PLCB1: variants seen among roughly 807,000 people sequenced by gnomAD.
The protein encoded by PLCB1 is phospholipase C beta 1.
Under a neutral mutation model 161.8 loss-of-function variants are expected in PLCB1, and 46 were observed. That is an observed-to-expected ratio of 0.28 (90% CI 0.22 to 0.36). The LOEUF is 0.36. Ranked by LOEUF, PLCB1 falls within the 10% of genes least tolerant of loss-of-function variation. The pLI is 1.00. For missense variants in PLCB1, 1,016 were observed against 1,472.5 expected (o/e 0.69, Z 5.07); for synonymous variants, 517 against 503.7 (o/e 1.03, Z -0.35).
chr20:8,223,337 T>C (rs138245384), intron 2 of PLCB1, among the ~76,000 whole-genome samples: 85 of 152,278 alleles, frequency 5.6e-4, no homozygotes, highest in African/African-American at 1.9e-3. Flanking sequence ...TGAAGACTCA[T>C]TTTTACCATC....
At chr20:8,719,088 T>C (rs1979487786) in intron 14 of PLCB1, among the ~76,000 whole-genome samples, 1 of 152,216 alleles carries the variant, frequency 6.6e-6, no homozygotes, top group East Asian at 1.9e-4. Flanking sequence ...TTTAGTCTGA[T>C]TTATCTTCCA....
chr20:8,397,453 G>T (rs1848548), intron 3 of PLCB1, among the ~76,000 whole-genome samples: 16 of 151,906 alleles, frequency 1.1e-4, no homozygotes, highest in Admixed American at 5.9e-4. Flanking sequence ...CTTTGCCTCA[G>T]CATTCAAAAT....
intron 14 of PLCB1, among the ~76,000 whole-genome samples, chr20:8,719,755 C>A (rs1431676448): frequency 6.6e-6 from 1 of 152,066 alleles, no homozygotes; most frequent in East Asian, 1.9e-4. Flanking sequence ...GGTGAAAATT[C>A]TTTGCACTGT....
chr20:8,353,440 C>T (rs1420116449), intron 2 of PLCB1, among the ~76,000 whole-genome samples: 1 of 151,964 alleles, frequency 6.6e-6, no homozygotes, highest in Non-Finnish European at 1.5e-5. Context: ...ATAGCAACTT[C>T]CTGCAAAAAA....
chr20:8,252,887 G>A lies in PLCB1; in HGVS notation c.177+102516G>A, dbSNP rs140778328. Among the ~76,000 whole-genome samples the A allele has an allele frequency of 3.4e-3, 510 of 152,096 alleles. 4 individuals are homozygous for A. Among genetic ancestry groups the A allele is most frequent in the African/African-American group, 0.012 (495 of 41,536 alleles). On this transcript the variant is annotated intron_variant, in intron 2 of 31. Coordinates refer to ENST00000338037, the MANE Select transcript of PLCB1 (RefSeq NM_015192.4). Reference sequence around the variant, plus strand: ...AAATGGTTTCTGTGGTGCCATTATAGCTTTGTTTTGCCTTACTTATATCTA... The same window carrying A: ...AAATGGTTTCTGTGGTGCCATTATAACTTTGTTTTGCCTTACTTATATCTA...
At chr20:8,476,192 A>C (rs1982272162) in intron 3 of PLCB1, among the ~76,000 whole-genome samples, 1 of 152,200 alleles carries the variant, frequency 6.6e-6, no homozygotes, top group African/African-American at 2.4e-5. Context: ...GTTCACAAAG[A>C]CACAAAATGA....
chr20:8,160,672 C>G (rs1228575308), intron 2 of PLCB1, among the ~76,000 whole-genome samples: 1 of 152,172 alleles, frequency 6.6e-6, no homozygotes, highest in Non-Finnish European at 1.5e-5. Context: ...CCAGGTCCCT[C>G]CTACAACACG....
At chr20:8,211,598 G>A (rs894194989) in intron 2 of PLCB1, among the ~76,000 whole-genome samples, 1 of 152,118 alleles carries the variant, frequency 6.6e-6, no homozygotes, top group Non-Finnish European at 1.5e-5. Flanking sequence ...TTCAGAGAAA[G>A]GAGAGGATGC....
chr20:8,757,921 G>A (rs953262154), intron 24 of PLCB1, among the ~76,000 whole-genome samples: 4 of 151,852 alleles, frequency 2.6e-5, no homozygotes, highest in Admixed American at 6.6e-5. Flanking sequence ...TTTCTACGCA[G>A]CTAACTTTGA....
At chr20:8,612,965 T>C (rs1341266351) in intron 3 of PLCB1, among the ~76,000 whole-genome samples, 1 of 152,098 alleles carries the variant, frequency 6.6e-6, no homozygotes, top group Non-Finnish European at 1.5e-5. Context: ...GCTTAACACA[T>C]GAGTGAGCAG....
At chr20:8,175,740 T>C (rs1299868853) in intron 2 of PLCB1, among the ~76,000 whole-genome samples, 2 of 152,134 alleles carry the variant, frequency 1.3e-5, no homozygotes, top group African/African-American at 4.8e-5. Flanking sequence ...TGAGAGAAAG[T>C]GTTTGTAAAC....
chr20:8,312,250 C>A (rs550077407), intron 2 of PLCB1, among the ~76,000 whole-genome samples: 1 of 152,092 alleles, frequency 6.6e-6, no homozygotes, highest in Non-Finnish European at 1.5e-5. Context: ...TCCTCACGTC[C>A]GCTTCTCAAG....
chr20:8,390,745 C>G (rs999494176), intron 3 of PLCB1, among the ~76,000 whole-genome samples: 1 of 152,094 alleles, frequency 6.6e-6, no homozygotes, highest in Admixed American at 6.6e-5. Flanking sequence ...CCCCAGGGCA[C>G]CCAGTATGTG....
intron 31 of PLCB1, among the ~76,000 whole-genome samples, chr20:8,848,542 A>C (rs543823664): frequency 2.0e-5 from 3 of 152,224 alleles, no homozygotes. Flanking sequence ...GCGTCTTAGG[A>C]GGTCTATGCC....
chr20:8,180,570 G>T (rs2051830666), intron 2 of PLCB1, among the ~76,000 whole-genome samples: 2 of 152,092 alleles, frequency 1.3e-5, no homozygotes, highest in African/African-American at 4.8e-5. Flanking sequence ...AGTTGAATTT[G>T]GTTGAATTTG....
At chr20:8,609,391 G>A (rs1987843554) in intron 3 of PLCB1, among the ~76,000 whole-genome samples, 1 of 152,150 alleles carries the variant, frequency 6.6e-6, no homozygotes, top group African/African-American at 2.4e-5. Flanking sequence ...CTTGGATGAG[G>A]CAAGAATAGT....
chr20:8,601,527 A>G lies in PLCB1; in HGVS notation c.247-26767A>G, dbSNP rs1987586679. On this transcript the variant is annotated intron_variant, in intron 3 of 31. Coordinates refer to ENST00000338037, the MANE Select transcript of PLCB1 (RefSeq NM_015192.4). Reference sequence around the variant, plus strand: ...GATACCCATTGTGAAAATGTATATTATGGGTTTAAAAATAATAATGGTAAT... The same window carrying G: ...GATACCCATTGTGAAAATGTATATTGTGGGTTTAAAAATAATAATGGTAAT... Among the ~76,000 whole-genome samples, 3 of 152,288 alleles carry G rather than the reference A, an allele frequency of 2.0e-5. No individual in the cohort carries two copies. The South Asian group carries it at 6.2e-4, about 32-fold the overall frequency.
intron 9 of PLCB1, among the ~76,000 whole-genome samples, chr20:8,661,941 G>GTA (rs1212255310): frequency 4.0e-4 from 6 of 14,920 alleles, no homozygotes; most frequent in Non-Finnish European, 9.2e-4. Flanking sequence ...TCTTAAAAGT[G>GTA]TATATATATA....
At chr20:8,722,105 A>C (rs1979672356) in intron 14 of PLCB1, among the ~76,000 whole-genome samples, 1 of 152,014 alleles carries the variant, frequency 6.6e-6, no homozygotes, top group Non-Finnish European at 1.5e-5. Flanking sequence ...ATTGACACGC[A>C]TTTTTTAATA....
Sources: gnomAD v4.1 joint callset for allele counts (sites outside exome capture counted in the v4.1 genomes callset) on GRCh38, gnomAD v4.1.1 for gene constraint, MANE v1.5 for transcripts, NCBI Gene and HGNC (gene_info 2026-07-23, HGNC 2026-07-21) for gene names.